The following RCOR1 variants were observed in gnomAD, a reference collection of about 807,000 sequenced individuals.
RCOR1 encodes REST corepressor.
Under a neutral mutation model 64.0 loss-of-function variants are expected in RCOR1, and 12 were observed. That is an observed-to-expected ratio of 0.19 (90% CI 0.12 to 0.30). The LOEUF is 0.30. RCOR1 is among the 10% of genes least tolerant of loss of function. RCOR1 has a pLI of 1.00. For synonymous variants in RCOR1, 279 were observed against 227.2 expected, an observed-to-expected ratio of 1.23 and a Z score of -2.05; for missense variants, 502 against 621.2, an observed-to-expected ratio of 0.81 and a Z score of 2.04.
At chr14:102,599,929 C>T (rs766153427) in intron 2 of RCOR1, among the ~76,000 whole-genome samples, 1 of 151,636 alleles carries the variant, frequency 6.6e-6, no homozygotes, top group African/African-American at 2.4e-5. Context: ...TCAGCCTCAT[C>T]AGTTGCTGGG....
At chr14:102,661,438 G>A (rs566270485) in intron 2 of RCOR1, among the ~76,000 whole-genome samples, 6 of 152,262 alleles carry the variant, frequency 3.9e-5, no homozygotes, top group Admixed American at 3.3e-4. Context: ...CCAAAAGATA[G>A]GTAGTACTTC....
chr14:102,723,261 TG>T (rs1244249760), intron 11 of RCOR1, among the ~76,000 whole-genome samples: 1 of 152,236 alleles, frequency 6.6e-6, no homozygotes, highest in African/African-American at 2.4e-5. Context: ...TTACCTATTT[TG>T]TATTGCGTGT....
intron 2 of RCOR1, among the ~76,000 whole-genome samples, chr14:102,602,821 TCA>T (rs1893430913): frequency 6.6e-6 from 1 of 151,704 alleles, no homozygotes; most frequent in Admixed American, 6.6e-5. Context: ...TCCTCCTGTC[TCA>T]GTTTCCTGAG....
chr14:102,677,339 A>ACCC (rs368973020), intron 2 of RCOR1, among the ~76,000 whole-genome samples: 9 of 52,694 alleles, frequency 1.7e-4, no homozygotes, highest in Non-Finnish European at 2.8e-4. Context: ...CAGGGGGCTG[A>ACCC]CCCCCCCCCC....
intron 2 of RCOR1, chr14:102,657,873 G>A: frequency 1.0e-6 from 1 of 983,208 alleles, no homozygotes. Context: ...ATTGAATTAA[G>A]GGCAAACTTG....
chr14:102,688,589 T>C (rs1031993287), intron 3 of RCOR1, among the ~76,000 whole-genome samples: 1 of 152,144 alleles, frequency 6.6e-6, no homozygotes, highest in Admixed American at 6.5e-5. Flanking sequence ...GGCGGCATGA[T>C]GGAAATTCAG....
intron 3 of RCOR1, among the ~76,000 whole-genome samples, chr14:102,688,721 A>G (rs1436935872): frequency 1.3e-5 from 2 of 152,182 alleles, no homozygotes; most frequent in East Asian, 1.9e-4. Flanking sequence ...GCCGTTAAGT[A>G]TAGGTGCACT....
At chr14:102,637,287 C>G (rs1894263281) in intron 2 of RCOR1, among the ~76,000 whole-genome samples, 1 of 151,572 alleles carries the variant, frequency 6.6e-6, no homozygotes, top group South Asian at 2.1e-4. Context: ...CCACCATGCC[C>G]AGCTAATTTT....
At chr14:102,693,290 GGTT>G (rs1567437943) in intron 3 of RCOR1, among the ~76,000 whole-genome samples, 2 of 152,016 alleles carry the variant, frequency 1.3e-5, no homozygotes, top group Admixed American at 1.3e-4. Context: ...CAGACATGCG[GGTT>G]CCATAAGGGC....
intron 2 of RCOR1, chr14:102,662,206 T>C (rs1359674768): frequency 6.5e-6 from 3 of 459,344 alleles, no homozygotes; most frequent in Non-Finnish European, 4.2e-6. Context: ...TGAAAAGATA[T>C]ACATATATTT....
At chr14:102,602,083 C>T (rs968134456) in intron 2 of RCOR1, among the ~76,000 whole-genome samples, 8 of 151,324 alleles carry the variant, frequency 5.3e-5, no homozygotes, top group African/African-American at 1.2e-4. Flanking sequence ...TGCTTGAGCC[C>T]GGGAGGCGGA....
rs1893153710 is a variant in RCOR1 at position 102,592,789 on chromosome 14, C to T, written c.-98C>T. 2 of 1,188,312 alleles carry T rather than the reference C, an allele frequency of 1.7e-6. No homozygotes were observed. The highest frequency in any genetic ancestry group is 8.4e-5 in the South Asian group (2 of 23,930). 73.6% of individuals were successfully genotyped at this position (1,188,312 alleles called of 1,614,324 possible). ...CCCGTGGGCTCCCGCCGCGCCCGCCCGGCCCCGCGCCGGCCCCGCGCCCCC... is the reference window on the plus strand; with the variant it reads ...CCCGTGGGCTCCCGCCGCGCCCGCCTGGCCCCGCGCCGGCCCCGCGCCCCC... On this transcript the variant is annotated 5_prime_UTR_variant, in exon 1 of 12. Coordinates refer to ENST00000262241, the MANE Select transcript of RCOR1 (RefSeq NM_015156.4).
At chr14:102,721,181 GGA>G in intron 9 of RCOR1, 97 bp downstream of exon 9, 4 of 1,045,736 alleles carry the variant, frequency 3.8e-6, no homozygotes, top group Non-Finnish European at 5.8e-6. Flanking sequence ...TACATCTCTT[GGA>G]AGAGTATATG....
intron 7 of RCOR1, among the ~76,000 whole-genome samples, chr14:102,712,563 C>T (rs973164006): frequency 6.6e-6 from 1 of 151,684 alleles, no homozygotes; most frequent in African/African-American, 2.4e-5. Context: ...TGGATTGATT[C>T]TCACATAACT....
chr14:102,713,712 T>C (rs1266600382), intron 7 of RCOR1, among the ~76,000 whole-genome samples: 3 of 152,234 alleles, frequency 2.0e-5, no homozygotes, highest in Non-Finnish European at 4.4e-5. Flanking sequence ...ATTACCCACT[T>C]GTTGAAGAAA....
Position 102,728,060 on chromosome 14 carries a change from T to C in RCOR1, c.*1554T>C, listed in dbSNP as rs1035919956. 2 of 152,642 alleles carry C rather than the reference T, an allele frequency of 1.3e-5. No homozygotes were observed. The highest frequency in any genetic ancestry group is 2.4e-5 in the African/African-American group (1 of 41,458). The allele number at this position is 152,642 out of a possible 1,614,324, so 9.5% of individuals were successfully genotyped here. On this transcript the variant is annotated 3_prime_UTR_variant, in exon 12 of 12. Coordinates refer to ENST00000262241, the MANE Select transcript of RCOR1 (RefSeq NM_015156.4). ...TAAAATATGCAATTAAAGTTTGATA[T>C]GTTTTGTCTCCCAAGCACCTTGTTT...
intron 4 of RCOR1, among the ~76,000 whole-genome samples, chr14:102,706,761 G>A (rs936654658): frequency 6.6e-6 from 1 of 151,978 alleles, no homozygotes; most frequent in Non-Finnish European, 1.5e-5. Context: ...AGCCTGGGAG[G>A]TGGAGGTTGC....
intron 2 of RCOR1, among the ~76,000 whole-genome samples, chr14:102,627,902 G>GTA (rs535069184): frequency 1.8e-4 from 28 of 151,558 alleles, no homozygotes; most frequent in Middle Eastern, 3.4e-3. Context: ...GTGTGTGCGT[G>GTA]TATATATATA....
At chr14:102,614,310 C>T (rs563784668) in intron 2 of RCOR1, among the ~76,000 whole-genome samples, 46 of 150,908 alleles carry the variant, frequency 3.0e-4, no homozygotes, top group African/African-American at 1.0e-3. Context: ...CTGCAAGCTC[C>T]GCTTCCTGGA....
Sources: gnomAD v4.1 joint callset for allele counts (sites outside exome capture counted in the v4.1 genomes callset) on GRCh38, gnomAD v4.1.1 for gene constraint, MANE v1.5 for transcripts, NCBI Gene and HGNC (gene_info 2026-07-23, HGNC 2026-07-21) for gene names.